The following RBFOX1 variants were observed in gnomAD, a reference collection of about 807,000 sequenced individuals.
RBFOX1 encodes the protein RNA binding fox-1 homolog 1, also known as RNA binding protein fox-1 homolog 1.
In RBFOX1, 8 loss-of-function variants were observed where a neutral mutation model predicts 57.7. The observed-to-expected ratio is 0.14, with a 90% CI of 0.08 to 0.25. The LOEUF is 0.25. RBFOX1 is among the 10% of genes least tolerant of loss of function. RBFOX1 has a pLI of 1.00. For synonymous variants in RBFOX1, 326 were observed against 222.4 expected (o/e 1.47, Z -4.15); for missense variants, 611 against 548.5 (o/e 1.11, Z -1.14).
chr16:5,867,150 A>ATGTGTGTGTG (rs113977862), intron 3 of RBFOX1, among the ~76,000 whole-genome samples: 2 of 149,212 alleles, frequency 1.3e-5, no homozygotes, highest in South Asian at 2.1e-4. Context: ...AAGAAAATGC[A>ATGTGTGTGTG]TGTGTGTGTG....
chr16:7,681,983 C>T (rs752639964), intron 14 of RBFOX1, among the ~76,000 whole-genome samples: 43 of 152,124 alleles, frequency 2.8e-4, no homozygotes, highest in Non-Finnish European at 5.1e-4. Flanking sequence ...CTCCCAAGGC[C>T]AGTTCAAGAC....
At chr16:7,031,335 C>G (rs973705807) in intron 3 of RBFOX1, among the ~76,000 whole-genome samples, 3 of 152,144 alleles carry the variant, frequency 2.0e-5, no homozygotes, top group South Asian at 2.1e-4. Flanking sequence ...ATGGCTCATA[C>G]CTGTAATCTC....
intron 1 of RBFOX1, chr16:6,092,393 A>T (rs757185564): frequency 6.6e-6 from 1 of 152,208 alleles, no homozygotes; most frequent in Non-Finnish European, 1.5e-5. Flanking sequence ...TGTTAATTCT[A>T]TGTCTCCTAC....
At chr16:5,297,176 A>T (rs2063690618) in intron 1 of RBFOX1, among the ~76,000 whole-genome samples, 1 of 152,202 alleles carries the variant, frequency 6.6e-6, no homozygotes, top group South Asian at 2.1e-4. Flanking sequence ...ACTTAGGTTG[A>T]TGCCATGTAT....
chr16:6,644,572 C>G (rs913346786), intron 2 of RBFOX1, among the ~76,000 whole-genome samples: 4 of 152,190 alleles, frequency 2.6e-5, no homozygotes, highest in African/African-American at 9.7e-5. Flanking sequence ...CTCTCTGGGA[C>G]TTTGTATTTG....
intron 1 of RBFOX1, among the ~76,000 whole-genome samples, chr16:6,113,855 C>T (rs891369059): frequency 3.0e-4 from 45 of 152,156 alleles, no homozygotes; most frequent in African/African-American, 1.0e-3. Flanking sequence ...ACTGCCAGGC[C>T]GTTCTCCTTT....
intron 3 of RBFOX1, among the ~76,000 whole-genome samples, chr16:6,880,995 G>A (rs573854686): frequency 6.6e-6 from 1 of 152,270 alleles, no homozygotes; most frequent in African/African-American, 2.4e-5. Flanking sequence ...TGAGAGCCTA[G>A]GCAGGGCTGA....
intron 3 of RBFOX1, among the ~76,000 whole-genome samples, chr16:5,725,804 G>T (rs1004905644): frequency 6.6e-6 from 1 of 151,894 alleles, no homozygotes; most frequent in Non-Finnish European, 1.5e-5. Flanking sequence ...CCCACTCAGG[G>T]CTGTTCTAGG....
intron 4 of RBFOX1, among the ~76,000 whole-genome samples, chr16:7,494,070 C>T (rs1490296768): frequency 6.6e-6 from 1 of 152,128 alleles, no homozygotes; most frequent in African/African-American, 2.4e-5. Context: ...GTTATGGAGG[C>T]TTAAACAGTA....
intron 4 of RBFOX1, among the ~76,000 whole-genome samples, chr16:7,353,123 A>T (rs928974909): frequency 3.3e-5 from 5 of 152,188 alleles, no homozygotes; most frequent in Non-Finnish European, 7.3e-5. Flanking sequence ...TAGCACCACT[A>T]CTACTGTATA....
At chr16:7,183,882 C>G (rs753499243) in intron 4 of RBFOX1, among the ~76,000 whole-genome samples, 1 of 152,246 alleles carries the variant, frequency 6.6e-6, no homozygotes, top group African/African-American at 2.4e-5. Flanking sequence ...AACCACCATT[C>G]TAATTGAGGG....
chr16:5,504,959 G>T (rs1404924337), intron 2 of RBFOX1, among the ~76,000 whole-genome samples: 1 of 152,154 alleles, frequency 6.6e-6, no homozygotes, highest in African/African-American at 2.4e-5. Context: ...CTAGGGGCTG[G>T]GGACGATGGG....
At chr16:6,758,589 G>C (rs1406410020) in intron 3 of RBFOX1, among the ~76,000 whole-genome samples, 1 of 152,098 alleles carries the variant, frequency 6.6e-6, no homozygotes, top group Non-Finnish European at 1.5e-5. Context: ...ACTGTACCAA[G>C]CAACTACATT....
chr16:6,600,135 T>A (rs1196765919), intron 2 of RBFOX1, among the ~76,000 whole-genome samples: 1 of 152,312 alleles, frequency 6.6e-6, no homozygotes, highest in East Asian at 1.9e-4. Context: ...ACCAGACCCA[T>A]CACCCAATTT....
intron 3 of RBFOX1, among the ~76,000 whole-genome samples, chr16:6,960,731 C>G (rs1260563251): frequency 6.6e-6 from 1 of 152,006 alleles, no homozygotes; most frequent in African/African-American, 2.4e-5. Flanking sequence ...TACCTGTCAC[C>G]ACTGCAAGAG....
At chr16:5,893,709 G>A (rs1197007833) in intron 4 of RBFOX1, among the ~76,000 whole-genome samples, 2 of 151,758 alleles carry the variant, frequency 1.3e-5, no homozygotes, top group African/African-American at 2.4e-5. Flanking sequence ...TGGAGGCTGA[G>A]ACATAAGAAT....
At chr16:5,650,972 G>A (rs1034168989) in intron 3 of RBFOX1, among the ~76,000 whole-genome samples, 4 of 137,718 alleles carry the variant, frequency 2.9e-5, no homozygotes, top group African/African-American at 1.1e-4. Flanking sequence ...TTCCTCCCCT[G>A]TCCTTCCTTG....
At chr16:5,483,073 C>A (rs1275340884) in intron 2 of RBFOX1, among the ~76,000 whole-genome samples, 1 of 152,148 alleles carries the variant, frequency 6.6e-6, no homozygotes, top group South Asian at 2.1e-4. Context: ...CCACAGAGTG[C>A]CTTTAAGTCT....
intron 5 of RBFOX1, among the ~76,000 whole-genome samples, chr16:7,574,179 G>C (rs1420621388): frequency 6.6e-6 from 1 of 152,156 alleles, no homozygotes; most frequent in African/African-American, 2.4e-5. Context: ...GCTGATGAAA[G>C]GCTTTCCAGC....
Sources: allele counts gnomAD v4.1 joint callset (sites outside exome capture counted in the v4.1 genomes callset), GRCh38; gene constraint gnomAD v4.1.1; transcripts MANE v1.5; gene names NCBI Gene and HGNC (gene_info 2026-07-23, HGNC 2026-07-21).